Variants in VRK2 observed in about 807,000 individuals in gnomAD.
VRK2 encodes VRK serine/threonine kinase 2, also known as serine/threonine-protein kinase VRK2.
Under a neutral mutation model 57.6 loss-of-function variants are expected in VRK2, and 60 were observed. That is an observed-to-expected ratio of 1.04 (90% confidence interval 0.85 to 1.29). The LOEUF is 1.29. VRK2 is among the 50% of genes most tolerant of loss of function. The pLI is 0.00. For synonymous variants in VRK2, 231 were observed against 199.2 expected, an observed-to-expected ratio of 1.16 and a Z score of -1.35; for missense variants, 705 against 588.1, an observed-to-expected ratio of 1.20 and a Z score of -2.06.
chr2:58,133,912 T>A (rs886147657), intron 9 of VRK2, among the ~76,000 whole-genome samples: 9 of 152,206 alleles, frequency 5.9e-5, no homozygotes, highest in African/African-American at 2.2e-4. Flanking sequence ...TATTACTACT[T>A]CTGTGTTTCT....
intron 2 of VRK2, among the ~76,000 whole-genome samples, chr2:58,072,164 T>C (rs1018651846): frequency 1.3e-5 from 2 of 151,970 alleles, no homozygotes; most frequent in Admixed American, 1.3e-4. Context: ...GTCCAGGAGT[T>C]TTTTCTTTGA....
chr2:57,988,433 C>G (rs1398441813), intron 1 of VRK2, among the ~76,000 whole-genome samples: 1 of 152,092 alleles, frequency 6.6e-6, no homozygotes, highest in African/African-American at 2.4e-5. Context: ...GCCTAGATAG[C>G]TAATAAAACA....
At chr2:58,097,064 T>G (rs1411306552) in intron 7 of VRK2, among the ~76,000 whole-genome samples, 1 of 152,112 alleles carries the variant, frequency 6.6e-6, no homozygotes, top group African/African-American at 2.4e-5. Flanking sequence ...ACTGATGCTT[T>G]AATTGTGACT....
chr2:57,958,407 GTA>G (rs773850026), intron 1 of VRK2, among the ~76,000 whole-genome samples: 4 of 150,358 alleles, frequency 2.7e-5, no homozygotes, highest in African/African-American at 9.8e-5. Flanking sequence ...ATATATGTGT[GTA>G]TGTGTGTGTG....
intron 1 of VRK2, among the ~76,000 whole-genome samples, chr2:57,965,887 G>A (rs1486378395): frequency 6.6e-6 from 1 of 152,158 alleles, no homozygotes; most frequent in Non-Finnish European, 1.5e-5. Context: ...TTTCCTTGAT[G>A]AAAAGTACAT....
At chr2:58,048,487 T>C in intron 1 of VRK2, 2 of 1,135,034 alleles carry the variant, frequency 1.8e-6, no homozygotes, top group South Asian at 1.4e-5. Flanking sequence ...AAATTTATTT[T>C]CTTTCTTCAT....
intron 11 of VRK2, among the ~76,000 whole-genome samples, chr2:58,145,391 G>T (rs181497385): frequency 6.6e-6 from 1 of 152,018 alleles, no homozygotes; most frequent in African/African-American, 2.4e-5. Flanking sequence ...AACATCACAA[G>T]CTCCTTTTAT....
Position 58,124,914 on chromosome 2 carries a change from T to A in VRK2, c.676+1681T>A, listed in dbSNP as rs3771210. Among the ~76,000 whole-genome samples, 145 of 152,294 alleles carry A rather than the reference T, an allele frequency of 9.5e-4. 2 individuals carry two copies. In the East Asian group the frequency reaches 0.019, roughly 20 times the overall value. ...TTTGTAGTGTTGTGTGATTTTTCAG[T>A]ATTCATATTGTTAATAAATTAGTGA... On this transcript the variant is annotated intron_variant, in intron 8 of 12. Transcript: ENST00000340157.
intron 1 of VRK2, among the ~76,000 whole-genome samples, chr2:57,944,457 C>G (rs1436426925): frequency 6.6e-6 from 1 of 152,208 alleles, no homozygotes; most frequent in African/African-American, 2.4e-5. Context: ...AAAAACATGG[C>G]CGGGCGCGGT....
chr2:58,039,809 T>C (rs1674388915), intron 3 of VRK2, among the ~76,000 whole-genome samples: 1 of 152,110 alleles, frequency 6.6e-6, no homozygotes, highest in Admixed American at 6.5e-5. Flanking sequence ...ACAGAGAGTA[T>C]TTTTAAAAAT....
intron 1 of VRK2, among the ~76,000 whole-genome samples, chr2:58,011,954 T>C (rs543815683): frequency 1.3e-5 from 2 of 152,240 alleles, no homozygotes; most frequent in Non-Finnish European, 2.9e-5. Flanking sequence ...TCCCCAGATA[T>C]AAGGGCTAAA....
chr2:58,096,226 A>G (rs1341840574), intron 7 of VRK2, among the ~76,000 whole-genome samples: 2 of 152,048 alleles, frequency 1.3e-5, no homozygotes, highest in Non-Finnish European at 2.9e-5. Context: ...AGTGATATTG[A>G]TCCATAGTTT....
chr2:58,057,133 A>G (rs1676641504), intron 2 of VRK2, among the ~76,000 whole-genome samples: 2 of 152,114 alleles, frequency 1.3e-5, no homozygotes, highest in Non-Finnish European at 2.9e-5. Flanking sequence ...AGTCACTCAC[A>G]GTGCTTAATA....
At chr2:58,058,285 T>G in intron 2 of VRK2, 1 of 458,892 alleles carries the variant, frequency 2.2e-6, no homozygotes, top group Non-Finnish European at 4.5e-6. Context: ...TGAATTTGCC[T>G]TTTAATAGGG....
intron 1 of VRK2, among the ~76,000 whole-genome samples, chr2:57,958,449 G>A (rs549706250): frequency 1.4e-5 from 2 of 141,622 alleles, no homozygotes; most frequent in South Asian, 2.1e-4. Flanking sequence ...ATATATATTT[G>A]TATATATATA....
chr2:58,090,392 C>T (rs1017042089), intron 7 of VRK2, among the ~76,000 whole-genome samples: 1 of 141,114 alleles, frequency 7.1e-6, no homozygotes, highest in Admixed American at 7.2e-5. Flanking sequence ...AAGAGAGAAA[C>T]TCCATCTCAA....
chr2:58,074,790 A>T lies in VRK2; in HGVS notation c.137-9299A>T, dbSNP rs1460695454. On this transcript the variant is annotated intron_variant, in intron 2 of 12. Coordinates refer to ENST00000340157, the MANE Select transcript of VRK2 (RefSeq NM_006296.7). ...TCACTCTCAAGAGCTTTTTAAAAAC[A>T]TTTCTTGCAAGGTGGGTCTACTGTT... 6.6e-5 allele frequency among the ~76,000 whole-genome samples: 10 copies of T among 152,178 alleles called. 1 individual carries two copies. Among genetic ancestry groups the T allele is most frequent in the Non-Finnish European group, 1.5e-5 (1 of 67,984 alleles).
intron 12 of VRK2, among the ~76,000 whole-genome samples, chr2:58,157,833 T>C (rs1684188004): frequency 6.6e-6 from 1 of 152,226 alleles, no homozygotes; most frequent in Non-Finnish European, 1.5e-5. Context: ...AATGCCATTG[T>C]AGTGCAAAAG....
chr2:57,996,005 CAAAT>C (rs1169319298), intron 1 of VRK2, among the ~76,000 whole-genome samples: 1 of 152,108 alleles, frequency 6.6e-6, no homozygotes, highest in African/African-American at 2.4e-5. Context: ...ACAAGAATAA[CAAAT>C]AATACAAATA....
Sources: allele counts gnomAD v4.1 joint callset (sites outside exome capture counted in the v4.1 genomes callset), GRCh38; gene constraint gnomAD v4.1.1; transcripts MANE v1.5; gene names NCBI Gene and HGNC (gene_info 2026-07-23, HGNC 2026-07-21).